Variants in JARID2 observed in about 807,000 individuals in gnomAD.
JARID2 encodes the protein protein Jumonji.
A neutral mutation model predicts 125.6 loss-of-function variants in JARID2; 21 were observed. That is an observed-to-expected ratio of 0.17 (90% CI 0.12 to 0.24). JARID2 has a LOEUF of 0.24. Among genes scored for constraint, JARID2 ranks in the 10% least tolerant of loss-of-function variants. The pLI is 1.00. For synonymous variants in JARID2, 736 were observed against 661.6 expected, an observed-to-expected ratio of 1.11 and a Z score of -1.73; for missense variants, 1,303 against 1,639.6, an observed-to-expected ratio of 0.79 and a Z score of 3.55.
intron 6 of JARID2, among the ~76,000 whole-genome samples, chr6:15,495,256 G>A (rs1256592117): frequency 6.6e-6 from 1 of 152,196 alleles, no homozygotes; most frequent in Non-Finnish European, 1.5e-5. Context: ...TGTGTCCCAA[G>A]ATTACCACGG....
At position 15,496,359 on chromosome 6, in the gene JARID2, A is replaced by G. The variant is rs776254342; in HGVS notation, c.1134A>G (p.Lys378=). The change falls in exon 7 of 18, where the codon AAA becomes AAG. Residue 378 remains lysine, a synonymous_variant. Coordinates refer to ENST00000341776, the MANE Select transcript of JARID2 (RefSeq NM_004973.4). ...SSAVNHTISG[K]TESSNAKTRK... ...CTGTCAACCACACAATCTCAGGGAA[A>G]ACTGAAAGTAGCAATGCAAAAACCC... 3 of 1,614,176 alleles carry G rather than the reference A, an allele frequency of 1.9e-6. No individual in the cohort carries two copies. The highest frequency in any genetic ancestry group is 3.3e-5 in the Admixed American group (2 of 60,028).
At chr6:15,440,340 G>A (rs1041203980) in intron 3 of JARID2, among the ~76,000 whole-genome samples, 2 of 152,208 alleles carry the variant, frequency 1.3e-5, no homozygotes, top group African/African-American at 2.4e-5. Flanking sequence ...GGTGTCTGAG[G>A]TCATGGAATG....
At chr6:15,371,751 T>G (rs1764178781) in intron 1 of JARID2, among the ~76,000 whole-genome samples, 1 of 152,184 alleles carries the variant, frequency 6.6e-6, no homozygotes, top group Non-Finnish European at 1.5e-5. Context: ...TTAGAAATTG[T>G]GTTTCTCTTG....
intron 1 of JARID2, among the ~76,000 whole-genome samples, chr6:15,313,881 A>C (rs545560590): frequency 6.6e-6 from 1 of 152,288 alleles, no homozygotes; most frequent in Admixed American, 6.5e-5. Context: ...CTAGGAGAGT[A>C]GACATTGGTA....
At chr6:15,351,582 A>G (rs1763430164) in intron 1 of JARID2, among the ~76,000 whole-genome samples, 1 of 152,120 alleles carries the variant, frequency 6.6e-6, no homozygotes, top group African/African-American at 2.4e-5. Context: ...TGATGCTAGG[A>G]GTAGGTGCAT....
intron 1 of JARID2, among the ~76,000 whole-genome samples, chr6:15,349,372 G>A (rs1489227170): frequency 3.9e-5 from 6 of 152,174 alleles, no homozygotes; most frequent in Admixed American, 3.3e-4. Flanking sequence ...GCCCTAATTA[G>A]TTACGTGTGT....
intron 3 of JARID2, among the ~76,000 whole-genome samples, chr6:15,440,122 A>T (rs1203092922): frequency 6.6e-6 from 1 of 152,200 alleles, no homozygotes; most frequent in Non-Finnish European, 1.5e-5. Context: ...CGACCCTTTG[A>T]GGGTTCATTT....
At chr6:15,401,906 T>G (rs1021511563) in intron 2 of JARID2, among the ~76,000 whole-genome samples, 1 of 151,500 alleles carries the variant, frequency 6.6e-6, no homozygotes, top group Non-Finnish European at 1.5e-5. Flanking sequence ...CAGTTTTTTT[T>G]TTTTTTTTTT....
At chr6:15,430,310 T>A (rs1229470454) in intron 3 of JARID2, among the ~76,000 whole-genome samples, 1 of 152,222 alleles carries the variant, frequency 6.6e-6, no homozygotes, top group African/African-American at 2.4e-5. Context: ...ATGACCACTT[T>A]ATAGAATATT....
chr6:15,372,162 G>A (rs1317919181), intron 1 of JARID2, among the ~76,000 whole-genome samples: 1 of 152,150 alleles, frequency 6.6e-6, no homozygotes, highest in Non-Finnish European at 1.5e-5. Context: ...GGAGACGTCA[G>A]ATCATCTAGA....
chr6:15,497,668 A>T (rs1770526598), intron 7 of JARID2, among the ~76,000 whole-genome samples: 2 of 128,438 alleles, frequency 1.6e-5, no homozygotes, highest in Non-Finnish European at 1.7e-5. Context: ...AAAAAAAAGT[A>T]TTGAGCTTGG....
chr6:15,382,802 G>A (rs547751887), intron 2 of JARID2, among the ~76,000 whole-genome samples: 1 of 152,334 alleles, frequency 6.6e-6, no homozygotes, highest in African/African-American at 2.4e-5. Context: ...GGAGGTTAAT[G>A]TGCTCCTCTT....
chr6:15,246,466 T>G lies in JARID2; in HGVS notation c.-74T>G. ...CAACAATAAAAACCACCAGGATATT[T>G]TTTTGCAAATTTCTGACGGCTTTAA... is the stretch of plus-strand genomic sequence containing the variant. On this transcript the variant is annotated 5_prime_UTR_variant, in exon 1 of 18. Transcript: ENST00000341776. 2 of 1,328,566 alleles carry G rather than the reference T, an allele frequency of 1.5e-6. No homozygotes were observed. 82.3% of individuals were successfully genotyped at this position (1,328,566 alleles called of 1,614,324 possible).
chr6:15,466,306 A>G (rs1270963480), intron 4 of JARID2, among the ~76,000 whole-genome samples: 1 of 152,232 alleles, frequency 6.6e-6, no homozygotes, highest in African/African-American at 2.4e-5. Context: ...AGAAAGATCT[A>G]CACAAGAACC....
intron 3 of JARID2, among the ~76,000 whole-genome samples, chr6:15,445,780 A>G (rs1767647734): frequency 6.6e-6 from 1 of 152,186 alleles, no homozygotes; most frequent in African/African-American, 2.4e-5. Context: ...GGCAGACCTT[A>G]TTTGGCTTCT....
In JARID2 at chr6:15,496,249, G is replaced by A. The variant is rs758149896; in HGVS notation, c.1024G>A (p.Val342Met). 5 of 1,614,044 alleles carry A rather than the reference G, an allele frequency of 3.1e-6. No homozygotes were observed. The highest frequency in any genetic ancestry group is 4.2e-6 in the Non-Finnish European group (5 of 1,180,046). Residue 342 changes from valine to methionine, a missense_variant, in exon 7 of 18, where the codon GTG becomes ATG. Coordinates refer to ENST00000341776, the MANE Select transcript of JARID2 (RefSeq NM_004973.4). ...PSKTVKYTATVTKGAVTYTKA... is the reference protein window; with the variant it reads ...PSKTVKYTATMTKGAVTYTKA... ...CAAAACTGTGAAGTACACTGCCACG[G>A]TGACGAAGGGGGCTGTCACATACAC...
chr6:15,496,258 G>C lies in JARID2; in HGVS notation c.1033G>C (p.Gly345Arg), dbSNP rs1442773654. 6.2e-7 allele frequency: 1 copy of C among 1,614,022 alleles called. No individual in the cohort carries two copies. The highest frequency in any genetic ancestry group is 2.2e-5 in the East Asian group (1 of 44,886). The change falls in exon 7 of 18, where the codon GGG becomes CGG. Residue 345 changes from glycine to arginine, a missense_variant. Around this residue, in one of 11 missense-constraint regions of JARID2, gnomAD observed 651 missense variants for 581.6 expected, o/e 1.12. Coordinates refer to ENST00000341776, the MANE Select transcript of JARID2 (RefSeq NM_004973.4). Reference protein sequence around the residue: ...TVKYTATVTKGAVTYTKAKRE... With the variant: ...TVKYTATVTKRAVTYTKAKRE... Reference sequence around the variant, plus strand: ...GAAGTACACTGCCACGGTGACGAAGGGGGCTGTCACATACACCAAAGCCAA... The same window carrying C: ...GAAGTACACTGCCACGGTGACGAAGCGGGCTGTCACATACACCAAAGCCAA...
At chr6:15,281,858 C>G (rs1426061192) in intron 1 of JARID2, among the ~76,000 whole-genome samples, 1 of 151,992 alleles carries the variant, frequency 6.6e-6, no homozygotes, top group Non-Finnish European at 1.5e-5. Flanking sequence ...TGTCCATACA[C>G]CTTTCAAACA....
intron 5 of JARID2, among the ~76,000 whole-genome samples, chr6:15,474,952 A>C (rs991870553): frequency 2.6e-5 from 4 of 152,262 alleles, no homozygotes; most frequent in African/African-American, 9.6e-5. Context: ...GCTGAAAGTC[A>C]GTAATAATCC....
Sources: gnomAD v4.1 joint callset for allele counts (sites outside exome capture counted in the v4.1 genomes callset) on GRCh38, gnomAD v4.1.1 for gene constraint, gnomAD v4.1.1 regional missense constraint, MANE v1.5 for transcripts, NCBI Gene and HGNC (gene_info 2026-07-23, HGNC 2026-07-21) for gene names.